Variants in AMBP observed in about 807,000 individuals in gnomAD.
The protein encoded by AMBP is alpha-1-microglobulin/bikunin precursor, also known as protein AMBP.
A neutral mutation model predicts 46.3 loss-of-function variants in AMBP; 37 were observed. The ratio of observed to expected loss-of-function variants is 0.80; its 90% CI spans 0.61 to 1.05. AMBP has a LOEUF of 1.05. Ranked by LOEUF, AMBP falls within the 50% of genes least tolerant of loss-of-function variation. The probability of loss-of-function intolerance (pLI) is 0.00; values close to 1 mark genes in which losing one functional copy is unlikely to be tolerated. For missense variants in AMBP, 475 were observed against 461.2 expected, an observed-to-expected ratio of 1.03 and a Z score of -0.27; for synonymous variants, 174 against 175.9, an observed-to-expected ratio of 0.99 and a Z score of 0.09.
intron 6 of AMBP, among the ~76,000 whole-genome samples, chr9:114,068,168 A>T (rs1274591922): frequency 6.6e-6 from 1 of 152,206 alleles, no homozygotes; most frequent in Non-Finnish European, 1.5e-5. Context: ...TATACTCTTT[A>T]AAAATATACA....
intron 6 of AMBP, among the ~76,000 whole-genome samples, chr9:114,067,945 G>A (rs1399379031): frequency 6.6e-6 from 1 of 152,128 alleles, no homozygotes; most frequent in Non-Finnish European, 1.5e-5. Flanking sequence ...ACTCGGGAAC[G>A]GAGAAGCTGT....
At chr9:114,071,632 G>C (rs978254190) in intron 5 of AMBP, among the ~76,000 whole-genome samples, 1 of 152,264 alleles carries the variant, frequency 6.6e-6, no homozygotes, top group Non-Finnish European at 1.5e-5. Flanking sequence ...GAACCAGATG[G>C]GGAAGTTGGG....
chr9:114,073,652 CT>C (rs1222941429), intron 4 of AMBP, among the ~76,000 whole-genome samples: 3 of 152,082 alleles, frequency 2.0e-5, no homozygotes, highest in Non-Finnish European at 4.4e-5. Context: ...CACACATGCA[CT>C]ATGCCCAGCT....
rs1846628613 is a variant in AMBP at position 114,060,919 on chromosome 9, G to T, written c.1027+6C>A. ...GCCCAGCCTGGCACCCTGCAGGGCT[G>T]CCTACCATCACCAGGGACACCGCAG... On this transcript the variant is annotated splice_donor_region_variant and intron_variant, in intron 9 of 9. Coordinates refer to ENST00000265132, the MANE Select transcript of AMBP (RefSeq NM_001633.4). The T allele has an allele frequency of 6.2e-7, 1 of 1,611,938 alleles. No individual in the cohort carries two copies. Among genetic ancestry groups the T allele is most frequent in the Non-Finnish European group, 8.5e-7 (1 of 1,178,770 alleles).
intron 6 of AMBP, among the ~76,000 whole-genome samples, chr9:114,065,451 G>A (rs1165234632): frequency 6.6e-5 from 10 of 152,102 alleles, no homozygotes; most frequent in Admixed American, 3.3e-4. Flanking sequence ...ATTCTTTCTC[G>A]AAGCCCACAG....
At chr9:114,061,259 A>C (rs777981250) in intron 8 of AMBP, 161 bp from the exon 9 acceptor site, 1 of 1,400,438 alleles carries the variant, frequency 7.1e-7, no homozygotes, top group Non-Finnish European at 9.7e-7. Context: ...GATTTGCCCG[A>C]GGTCCTCCAC....
chr9:114,066,798 A>T (rs537780746), intron 6 of AMBP, among the ~76,000 whole-genome samples: 3 of 152,324 alleles, frequency 2.0e-5, no homozygotes, highest in Admixed American at 2.0e-4. Flanking sequence ...CCTGGATGAG[A>T]GAACAAGTGT....
In AMBP at chr9:114,075,185, C is replaced by T. The variant is rs2134856049; in HGVS notation, c.261-149G>A. 4.8e-6 allele frequency: 3 copies of T among 624,534 alleles called. No homozygotes were observed. The South Asian group carries it at 6.2e-5, about 13-fold the overall frequency. 38.7% of individuals were successfully genotyped at this position (624,534 alleles called of 1,614,324 possible). Reference sequence around the variant, plus strand: ...GTTTGCTTTTTAATTCGGAAATGAACATTTCCAAATGTCTTGTTTAATCCT... The same window carrying T: ...GTTTGCTTTTTAATTCGGAAATGAATATTTCCAAATGTCTTGTTTAATCCT... On this transcript the variant is annotated intron_variant, in intron 2 of 9. Coordinates refer to ENST00000265132, the MANE Select transcript of AMBP (RefSeq NM_001633.4).
At chr9:114,072,424 C>A (rs1040359234) in intron 5 of AMBP, among the ~76,000 whole-genome samples, 8 of 152,224 alleles carry the variant, frequency 5.3e-5, no homozygotes, top group African/African-American at 1.9e-4. Flanking sequence ...TCCCTTGCCG[C>A]TTCATGCCTG....
chr9:114,069,959 A>C, intron 5 of AMBP: 1 of 567,744 alleles, frequency 1.8e-6, no homozygotes, highest in South Asian at 2.3e-5. Flanking sequence ...TATCCACTCC[A>C]CCCCACCCCA....
intron 6 of AMBP, among the ~76,000 whole-genome samples, chr9:114,068,967 A>G (rs1487549246): frequency 6.6e-6 from 1 of 151,904 alleles, no homozygotes; most frequent in Non-Finnish European, 1.5e-5. Context: ...TTAATTCTAC[A>G]TAGGAACAAG....
rs79490310 is a variant in AMBP at position 114,062,231 on chromosome 9, G to A, written c.685+446C>T. Reference sequence around the variant, plus strand: ...TAGTGCCCAGCACAGGGCCTGGGGCGGAGCAGGGTTCAGTGTTTGTTTGCT... The same window carrying A: ...TAGTGCCCAGCACAGGGCCTGGGGCAGAGCAGGGTTCAGTGTTTGTTTGCT... On this transcript the variant is annotated intron_variant, in intron 7 of 9. Coordinates refer to ENST00000265132, the MANE Select transcript of AMBP (RefSeq NM_001633.4). Among the ~76,000 whole-genome samples the A allele has an allele frequency of 4.7e-4, 72 of 152,318 alleles. 2 individuals carry two copies. Among genetic ancestry groups the A allele is most frequent in the African/African-American group, 1.1e-3 (45 of 41,566 alleles).
chr9:114,077,099 G>T (rs1846821634), intron 1 of AMBP, among the ~76,000 whole-genome samples: 1 of 152,102 alleles, frequency 6.6e-6, no homozygotes, highest in Admixed American at 6.6e-5. Context: ...TCCAATGATG[G>T]GGTGCTCCCC....
chr9:114,069,783 A>C (rs892509402), intron 5 of AMBP, 38 bp from the exon 6 acceptor site: 10 of 1,611,098 alleles, frequency 6.2e-6, no homozygotes, highest in Non-Finnish European at 8.5e-6. Flanking sequence ...GAATAACAGG[A>C]CCAGGCCCAG....
intron 6 of AMBP, among the ~76,000 whole-genome samples, chr9:114,066,376 CGTGTGTGTGTGTGTGTGT>C (rs55940547): frequency 1.4e-5 from 2 of 141,184 alleles, no homozygotes; most frequent in African/African-American, 5.3e-5. Context: ...TTTATGTGCA[CGTGTGTGTGTGTGTGTGT>C]GTGTGTGTGT....
At chr9:114,066,643 C>T (rs961762520) in intron 6 of AMBP, among the ~76,000 whole-genome samples, 14 of 152,088 alleles carry the variant, frequency 9.2e-5, no homozygotes, top group African/African-American at 1.7e-4. Flanking sequence ...AATGAAATGA[C>T]GGTCTGCACA....
chr9:114,076,845 TCTC>T, intron 1 of AMBP, 105 bp from the exon 2 acceptor site: 1 of 1,376,368 alleles, frequency 7.3e-7, no homozygotes, highest in South Asian at 1.4e-5. Context: ...TCCTCCTCCT[TCTC>T]CTCAAAATGA....
At chr9:114,064,118 G>C (rs185942073) in intron 6 of AMBP, among the ~76,000 whole-genome samples, 413 of 152,270 alleles carry the variant, frequency 2.7e-3, no homozygotes, top group Non-Finnish European at 4.8e-3. Context: ...TTGTAACCCA[G>C]GGATCCTTCA....
At position 114,061,890 on chromosome 9, in the gene AMBP, T is replaced by C. The variant is rs577166031; in HGVS notation, c.686-299A>G. ...TCTTGCCTGCCCCAAAACTCTGTAA[T>C]AGTAGTTGATGACATATGTACCAGC... On this transcript the variant is annotated intron_variant, in intron 7 of 9. Transcript: ENST00000265132. Among the ~76,000 whole-genome samples the C allele has an allele frequency of 1.6e-4, 25 of 152,074 alleles. No homozygotes were observed. In the East Asian group the frequency reaches 4.3e-3, roughly 26 times the overall value.
Sources: allele counts gnomAD v4.1 joint callset (sites outside exome capture counted in the v4.1 genomes callset), GRCh38; gene constraint gnomAD v4.1.1; transcripts MANE v1.5; gene names NCBI Gene and HGNC (gene_info 2026-07-23, HGNC 2026-07-21).